The following GRID1 variants were observed in gnomAD, a reference collection of about 807,000 sequenced individuals.
GRID1 encodes glutamate ionotropic receptor delta type subunit 1, also known as glutamate receptor ionotropic, delta-1.
Under a neutral mutation model 98.0 loss-of-function variants are expected in GRID1, and 28 were observed. The observed-to-expected ratio is 0.29, with a 90% CI of 0.21 to 0.39. The LOEUF is 0.39. GRID1 is among the 10% of genes least tolerant of loss of function. GRID1 has a pLI of 1.00. For missense variants in GRID1, 1,111 were observed against 1,340.5 expected, an observed-to-expected ratio of 0.83 and a Z score of 2.67; for synonymous variants, 553 against 538.5, an observed-to-expected ratio of 1.03 and a Z score of -0.37.
chr10:85,960,146 T>C (rs768172871), intron 4 of GRID1, among the ~76,000 whole-genome samples: 4 of 152,220 alleles, frequency 2.6e-5, no homozygotes, highest in Non-Finnish European at 5.9e-5. Flanking sequence ...GTGATCCGCC[T>C]GCCTCAACCT....
chr10:85,623,633 C>T (rs1842880577), intron 13 of GRID1, among the ~76,000 whole-genome samples: 2 of 152,278 alleles, frequency 1.3e-5, no homozygotes, highest in South Asian at 4.1e-4. Context: ...AGTTCACCCT[C>T]CTCCTTCCTT....
chr10:85,906,682 A>G (rs1841466210), intron 5 of GRID1, among the ~76,000 whole-genome samples: 2 of 152,176 alleles, frequency 1.3e-5, no homozygotes. Context: ...AGTAATATAG[A>G]AGTATTTTGA....
intron 2 of GRID1, among the ~76,000 whole-genome samples, chr10:86,327,450 G>A (rs1011707156): frequency 6.6e-6 from 1 of 152,158 alleles, no homozygotes. Context: ...AAACCCACAT[G>A]AGAACAATAG....
chr10:85,955,834 T>C (rs1018902321), intron 4 of GRID1, among the ~76,000 whole-genome samples: 2 of 152,052 alleles, frequency 1.3e-5, no homozygotes, highest in East Asian at 3.9e-4. Context: ...AGTCCTAGAG[T>C]GGGACTCTTC....
intron 2 of GRID1, among the ~76,000 whole-genome samples, chr10:86,304,714 T>C (rs1247979189): frequency 1.3e-5 from 2 of 152,162 alleles, no homozygotes; most frequent in African/African-American, 4.8e-5. Flanking sequence ...TGAGCTACGA[T>C]CTCCATTTTA....
intron 4 of GRID1, among the ~76,000 whole-genome samples, chr10:86,014,682 C>T (rs938758473): frequency 1.3e-5 from 2 of 152,194 alleles, no homozygotes; most frequent in African/African-American, 4.8e-5. Flanking sequence ...TGCCATAGCA[C>T]TACAATTACA....
chr10:86,137,376 C>G (rs1844942846), intron 4 of GRID1, among the ~76,000 whole-genome samples: 1 of 152,148 alleles, frequency 6.6e-6, no homozygotes. Context: ...GACTTGCCCC[C>G]ACATCCATTC....
chr10:85,949,916 A>G (rs1453546014), intron 4 of GRID1, among the ~76,000 whole-genome samples: 1 of 151,792 alleles, frequency 6.6e-6, no homozygotes, highest in Non-Finnish European at 1.5e-5. Context: ...GGATGGATGG[A>G]TGGATGGATG....
chr10:85,849,521 G>C (rs919882247), intron 8 of GRID1, among the ~76,000 whole-genome samples: 8 of 152,304 alleles, frequency 5.3e-5, no homozygotes, highest in African/African-American at 1.7e-4. Context: ...AATTCAGCAG[G>C]CTCCCAGCCA....
chr10:86,208,254 T>C (rs1473566873), intron 2 of GRID1, among the ~76,000 whole-genome samples: 3 of 152,090 alleles, frequency 2.0e-5, no homozygotes, highest in Non-Finnish European at 4.4e-5. Flanking sequence ...CCTACGGTTC[T>C]CTCCTCTTCA....
rs1209172609 is a variant in GRID1 at position 85,602,609 on chromosome 10, A to T, written c.2694T>A (p.Ile898=). The change falls in exon 16 of 16, where the codon ATT becomes ATA. Residue 898 remains isoleucine, a synonymous_variant. Coordinates refer to ENST00000327946, the MANE Select transcript of GRID1 (RefSeq NM_017551.3). ...IAHKQISPAS[I]ELSALEMGGL... is the part of the protein sequence containing the mutation. ...CCCCCATCTCCAGGGCCGAGAGCTCAATCGACGCTGGGGAAATCTGCTTGT... is the reference window on the plus strand; with the variant it reads ...CCCCCATCTCCAGGGCCGAGAGCTCTATCGACGCTGGGGAAATCTGCTTGT... 2.5e-6 allele frequency: 4 copies of T among 1,613,878 alleles called. No individual in the cohort carries two copies. The highest frequency in any genetic ancestry group is 3.4e-6 in the Non-Finnish European group (4 of 1,179,986).
At chr10:85,883,838 C>G (rs576499635) in intron 5 of GRID1, among the ~76,000 whole-genome samples, 1 of 152,122 alleles carries the variant, frequency 6.6e-6, no homozygotes, top group Non-Finnish European at 1.5e-5. Flanking sequence ...GAAAACTCCC[C>G]GCTCCATGCA....
chr10:86,024,201 C>T (rs926322456), intron 4 of GRID1, among the ~76,000 whole-genome samples: 6 of 152,180 alleles, frequency 3.9e-5, no homozygotes, highest in Admixed American at 3.3e-4. Flanking sequence ...GACAGCCAGA[C>T]CTGGTTAGCA....
At position 85,647,259 on chromosome 10, in the gene GRID1, G is replaced by T; in HGVS notation, c.2136C>A (p.Ile712=). The T allele has an allele frequency of 6.2e-6, 10 of 1,614,228 alleles. No individual in the cohort carries two copies. Among genetic ancestry groups the T allele is most frequent in the Non-Finnish European group, 8.5e-6 (10 of 1,180,026 alleles). Residue 712 remains isoleucine (I), a synonymous_variant, in exon 13 of 16, where the codon ATC becomes ATA. Coordinates refer to ENST00000327946, the MANE Select transcript of GRID1 (RefSeq NM_017551.3). The stretch of plus-strand genomic sequence containing the variant: ...AGTTGTCAGCCCCTCCGTTCTTGCT[G>T]ATGGTCCGCCAGAGTTCAGCAAACG... The part of the protein sequence containing the change: ...DSTFAELWRT[I]SKNGGADNCV...
intron 5 of GRID1, among the ~76,000 whole-genome samples, chr10:85,874,801 G>A (rs1843311911): frequency 6.6e-6 from 1 of 152,090 alleles, no homozygotes; most frequent in African/African-American, 2.4e-5. Flanking sequence ...TTAAAAATCT[G>A]TGTATTTCTC....
At chr10:86,311,518 C>G (rs1202362327) in intron 2 of GRID1, among the ~76,000 whole-genome samples, 1 of 152,144 alleles carries the variant, frequency 6.6e-6, no homozygotes, top group African/African-American at 2.4e-5. Context: ...TCTAGCCAGG[C>G]AGGGCAAATG....
At position 85,769,203 on chromosome 10, in the gene GRID1, T is replaced by C. The variant is rs1454343914; in HGVS notation, c.1234-39589A>G. 2.6e-5 allele frequency among the ~76,000 whole-genome samples: 4 copies of C among 152,220 alleles called. No individual in the cohort carries two copies. The East Asian group carries it at 7.7e-4, about 29-fold the overall frequency. The stretch of plus-strand genomic sequence containing the variant: ...TAAAAAGGGAATAAAATCATGTCCT[T>C]TGCAGCAACATGGGTGCAGCTGGAG... On this transcript the variant is annotated intron_variant, in intron 8 of 15. Transcript: ENST00000327946.
At chr10:86,257,677 C>T (rs1261004146) in intron 2 of GRID1, among the ~76,000 whole-genome samples, 2 of 152,106 alleles carry the variant, frequency 1.3e-5, no homozygotes, top group Non-Finnish European at 2.9e-5. Flanking sequence ...TCAGTAGGGA[C>T]AGTGATACTA....
At chr10:86,162,382 T>C (rs1401114901) in intron 3 of GRID1, among the ~76,000 whole-genome samples, 1 of 152,030 alleles carries the variant, frequency 6.6e-6, no homozygotes, top group African/African-American at 2.4e-5. Context: ...AGAAGAGCCA[T>C]ACATCCCCAT....
Sources: allele counts gnomAD v4.1 joint callset (sites outside exome capture counted in the v4.1 genomes callset), GRCh38; gene constraint gnomAD v4.1.1; transcripts MANE v1.5; gene names NCBI Gene and HGNC (gene_info 2026-07-23, HGNC 2026-07-21).